The following CLNS1A variants were observed in gnomAD, a reference collection of about 807,000 sequenced individuals.
The protein encoded by CLNS1A is methylosome subunit pICln.
CLNS1A carries 16 observed loss-of-function variants against 29.4 expected under a neutral mutation model. That is an observed-to-expected ratio of 0.54 (90% confidence interval 0.37 to 0.83). The LOEUF is 0.83. Ranked by LOEUF, CLNS1A falls within the 40% of genes least tolerant of loss-of-function variation. CLNS1A has a pLI of 0.00. For synonymous variants in CLNS1A, 96 were observed against 104.8 expected (o/e 0.92, Z 0.51); for missense variants, 235 against 287.4 (o/e 0.82, Z 1.32).
In CLNS1A at chr11:77,615,832, T is replaced by C. The variant is rs1376591170; in HGVS notation, c.*886A>G. The C allele has an allele frequency of 1.3e-5, 2 of 152,128 alleles. No homozygotes were observed. The highest frequency in any genetic ancestry group is 4.8e-5 in the African/African-American group (2 of 41,428). 9.4% of individuals were successfully genotyped at this position (152,128 alleles called of 1,614,324 possible). On this transcript the variant is annotated 3_prime_UTR_variant, in exon 7 of 7. Coordinates refer to ENST00000525428, the MANE Select transcript of CLNS1A (RefSeq NM_001293.3). ...TTATTTTTAAGGACACATAATGATT[T>C]CAAAAGTCCAAGTATAAATCAGTAA...
chr11:77,631,914 T>A (rs554277090), intron 1 of CLNS1A, among the ~76,000 whole-genome samples: 34 of 152,176 alleles, frequency 2.2e-4, no homozygotes, highest in Admixed American at 1.7e-3. Context: ...ATTTTTGTAT[T>A]TTTAATAGAG....
chr11:77,617,788 C>T (rs1216861975), intron 6 of CLNS1A, among the ~76,000 whole-genome samples: 1 of 151,354 alleles, frequency 6.6e-6, no homozygotes, highest in Non-Finnish European at 1.5e-5. Flanking sequence ...CGTGGTGGCG[C>T]GCGTCTGTAG....
intron 1 of CLNS1A, among the ~76,000 whole-genome samples, chr11:77,635,448 T>G (rs1590805696): frequency 6.6e-6 from 1 of 150,554 alleles, no homozygotes; most frequent in Non-Finnish European, 1.5e-5. Context: ...GCCTCTCGGG[T>G]TCAAGCGATT....
At chr11:77,617,524 G>C (rs1376662220) in intron 6 of CLNS1A, among the ~76,000 whole-genome samples, 1 of 151,150 alleles carries the variant, frequency 6.6e-6, no homozygotes. Context: ...CTAGGCAACA[G>C]AGCGAGACTC....
intron 2 of CLNS1A, among the ~76,000 whole-genome samples, chr11:77,626,369 G>A (rs938427804): frequency 2.6e-5 from 4 of 152,140 alleles, no homozygotes; most frequent in South Asian, 2.1e-4. Context: ...GGCTGGGCAC[G>A]GTGGCTCACG....
At chr11:77,620,351 A>T (rs559502493) in intron 5 of CLNS1A, among the ~76,000 whole-genome samples, 2 of 152,290 alleles carry the variant, frequency 1.3e-5, no homozygotes, top group South Asian at 2.1e-4. Flanking sequence ...TCCATGTAAG[A>T]TGTGATTTGC....
intron 3 of CLNS1A, 48 bp from the exon 4 acceptor site, chr11:77,625,118 T>A: frequency 7.5e-7 from 1 of 1,335,794 alleles, no homozygotes; most frequent in Non-Finnish European, 1.1e-6. Flanking sequence ...GTAATAAAAG[T>A]AACCATCAGT....
At chr11:77,632,330 G>A (rs1180630928) in intron 1 of CLNS1A, among the ~76,000 whole-genome samples, 1 of 152,180 alleles carries the variant, frequency 6.6e-6, no homozygotes, top group African/African-American at 2.4e-5. Context: ...AAATTTGGGT[G>A]TCCAAAATAA....
intron 1 of CLNS1A, among the ~76,000 whole-genome samples, chr11:77,636,471 A>C (rs1438888549): frequency 3.9e-5 from 6 of 152,144 alleles, no homozygotes. Flanking sequence ...GTCCTATCTC[A>C]GTTTCTGGCC....
chr11:77,624,490 G>A (rs1453671786), intron 4 of CLNS1A, among the ~76,000 whole-genome samples: 1 of 151,986 alleles, frequency 6.6e-6, no homozygotes, highest in African/African-American at 2.4e-5. Context: ...AAAGGGCTTT[G>A]GCATAAAGTG....
At chr11:77,631,414 G>A (rs147793474) in intron 1 of CLNS1A, among the ~76,000 whole-genome samples, 30 of 150,576 alleles carry the variant, frequency 2.0e-4, no homozygotes, top group African/African-American at 6.6e-4. Flanking sequence ...TCCGCCTCTC[G>A]GGTTCACGCC....
intron 3 of CLNS1A, 63 bp downstream of exon 3, chr11:77,625,654 T>C: frequency 2.9e-6 from 4 of 1,360,706 alleles, no homozygotes; most frequent in Non-Finnish European, 4.1e-6. Flanking sequence ...TGTATGTGTG[T>C]GTGTGTCAAT....
chr11:77,625,075 A>T lies in CLNS1A; in HGVS notation c.365-5T>A. On this transcript the variant is annotated splice_region_variant and splice_polypyrimidine_tract_variant and intron_variant, in intron 3 of 6. Transcript: ENST00000525428. ...TTGCAGTGAACATTGCCTCCACTGA[A>T]CAAGGAAATTAAACTGTAACCAATC... 6.3e-7 allele frequency: 1 copy of T among 1,595,174 alleles called. No individual in the cohort carries two copies. Among genetic ancestry groups the T allele is most frequent in the East Asian group, 2.2e-5 (1 of 44,694 alleles).
intron 1 of CLNS1A, among the ~76,000 whole-genome samples, chr11:77,633,352 T>A (rs931484617): frequency 1.3e-5 from 2 of 152,182 alleles, no homozygotes; most frequent in African/African-American, 4.8e-5. Context: ...CATAAAAGAT[T>A]TCACTGTATC....
intron 1 of CLNS1A, among the ~76,000 whole-genome samples, chr11:77,631,550 C>G (rs1280722111): frequency 6.6e-6 from 1 of 151,942 alleles, no homozygotes; most frequent in African/African-American, 2.4e-5. Context: ...ATCTCCTGAC[C>G]TCGTGATCCA....
chr11:77,637,134 A>C (rs1346613057), intron 1 of CLNS1A, among the ~76,000 whole-genome samples: 1 of 151,408 alleles, frequency 6.6e-6, no homozygotes, highest in East Asian at 1.9e-4. Context: ...AGAGAGGGGA[A>C]CATCTCCTGC....
At chr11:77,636,910 TCTGA>T (rs1353770068) in intron 1 of CLNS1A, among the ~76,000 whole-genome samples, 6 of 152,156 alleles carry the variant, frequency 3.9e-5, no homozygotes, top group African/African-American at 1.2e-4. Context: ...GGTAGATCTA[TCTGA>T]CTGTCAAAAT....
chr11:77,635,265 A>T (rs1344920851), intron 1 of CLNS1A, among the ~76,000 whole-genome samples: 2 of 152,280 alleles, frequency 1.3e-5, no homozygotes, highest in African/African-American at 2.4e-5. Context: ...AAAAACAGAG[A>T]CATAAACATG....
chr11:77,622,100 C>G (rs1441134857), intron 5 of CLNS1A: 1 of 456,576 alleles, frequency 2.2e-6, no homozygotes, highest in East Asian at 6.9e-5. Flanking sequence ...GGACTTCTAG[C>G]CTCCAAAACT....
Sources: allele counts gnomAD v4.1 joint callset (sites outside exome capture counted in the v4.1 genomes callset), GRCh38; gene constraint gnomAD v4.1.1; transcripts MANE v1.5; gene names NCBI Gene and HGNC (gene_info 2026-07-23, HGNC 2026-07-21).